Variants in NTN4 observed in about 807,000 individuals in gnomAD.
The protein encoded by NTN4 is netrin-4.
In NTN4, 32 loss-of-function variants were observed where a neutral mutation model predicts 73.6. The ratio of observed to expected loss-of-function variants is 0.44; its 90% CI spans 0.33 to 0.58. The LOEUF (loss-of-function observed/expected upper bound fraction) is 0.58. Among genes scored for constraint, NTN4 ranks in the 20% least tolerant of loss-of-function variants. NTN4 has a pLI of 0.04. For missense variants in NTN4, 654 were observed against 798.3 expected (o/e 0.82, Z 2.18); for synonymous variants, 258 against 287.5 (o/e 0.90, Z 1.04).
Position 95,703,749 on chromosome 12 carries a change from A to C in NTN4, c.1180+6692T>G, listed in dbSNP as rs76721344. ...ATTCAGATTTCCATTTTTTCTCAGTAAACCTCTACATAATTTATTCTAAAA... is the reference window on the plus strand; with the variant it reads ...ATTCAGATTTCCATTTTTTCTCAGTCAACCTCTACATAATTTATTCTAAAA... On this transcript the variant is annotated intron_variant, in intron 5 of 9. Coordinates refer to ENST00000343702, the MANE Select transcript of NTN4 (RefSeq NM_021229.4). Among the ~76,000 whole-genome samples the C allele has an allele frequency of 0.011, 1,672 of 152,300 alleles. 157 individuals are homozygous for C. The East Asian group carries it at 0.24, about 22-fold the overall frequency.
chr12:95,677,967 A>C (rs1000841084), intron 7 of NTN4, among the ~76,000 whole-genome samples: 5 of 152,256 alleles, frequency 3.3e-5, no homozygotes, highest in Admixed American at 2.6e-4. Flanking sequence ...CTGGATAAAG[A>C]AAATGTGACA....
rs532368733 is a variant in NTN4, at chr12:95,768,777, T to C, written c.585+18162A>G. 3.3e-5 allele frequency among the ~76,000 whole-genome samples: 5 copies of C among 151,784 alleles called. No individual in the cohort carries two copies. The South Asian group carries it at 6.3e-4, about 19-fold the overall frequency. ...ATGCCACAATTACGCAGAAGAAAAATAAGAGTGGTTTGCTCTAAGATAGTA... is the reference window on the plus strand; with the variant it reads ...ATGCCACAATTACGCAGAAGAAAAACAAGAGTGGTTTGCTCTAAGATAGTA... On this transcript the variant is annotated intron_variant, in intron 2 of 9. Coordinates refer to ENST00000343702, the MANE Select transcript of NTN4 (RefSeq NM_021229.4).
chr12:95,659,828 T>C (rs1565873956), intron 9 of NTN4, among the ~76,000 whole-genome samples: 1 of 152,150 alleles, frequency 6.6e-6, no homozygotes, highest in Admixed American at 6.5e-5. Context: ...TTTGTAAGTA[T>C]AGCAGCATCT....
chr12:95,687,384 AT>A (rs957571119), intron 5 of NTN4, among the ~76,000 whole-genome samples: 1 of 150,650 alleles, frequency 6.6e-6, no homozygotes, highest in African/African-American at 2.4e-5. Flanking sequence ...GTGAAAAAAA[AT>A]TTTTTTTTTT....
At chr12:95,713,371 C>A in intron 3 of NTN4, 33 bp from the exon 4 acceptor site, 1 of 1,531,138 alleles carries the variant, frequency 6.5e-7, no homozygotes, top group South Asian at 1.3e-5. Context: ...ACTATGAGCA[C>A]ACATGTCGCC....
chr12:95,670,024 C>T lies in NTN4; in HGVS notation c.1579+54G>A, dbSNP rs764830170. The T allele has an allele frequency of 5.4e-4, 588 of 1,080,738 alleles. 2 individuals carry two copies. The highest frequency in any genetic ancestry group is 2.6e-3 in the Admixed American group (115 of 43,546). The allele number at this position is 1,080,738 out of a possible 1,614,324, so 66.9% of individuals were successfully genotyped here. A position where few individuals can be genotyped will look rare whatever the true frequency, so the allele number is the denominator to read the frequency against. Reference sequence around the variant, plus strand: ...CAGGCCTCCCATTTTCTTAAAAATTCTCTGAACTTAGTGTGAATAGGTTCT... The same window carrying T: ...CAGGCCTCCCATTTTCTTAAAAATTTTCTGAACTTAGTGTGAATAGGTTCT... On this transcript the variant is annotated intron_variant, in intron 8 of 9. Coordinates refer to ENST00000343702, the MANE Select transcript of NTN4 (RefSeq NM_021229.4).
chr12:95,778,691 T>C (rs928563856), intron 2 of NTN4, among the ~76,000 whole-genome samples: 4 of 152,004 alleles, frequency 2.6e-5, no homozygotes, highest in African/African-American at 9.7e-5. Context: ...CCAAAAAAAG[T>C]CCAGGACCAG....
chr12:95,776,592 G>A (rs957588295), intron 2 of NTN4, among the ~76,000 whole-genome samples: 6 of 152,222 alleles, frequency 3.9e-5, no homozygotes, highest in Middle Eastern at 3.4e-3. Context: ...GAAATGAAGC[G>A]AGAAGAGAAG....
At chr12:95,679,617 C>G (rs1000463861) in intron 7 of NTN4, among the ~76,000 whole-genome samples, 2 of 152,204 alleles carry the variant, frequency 1.3e-5, no homozygotes, top group Non-Finnish European at 2.9e-5. Context: ...TTATTGCCCT[C>G]TCTTGCTTCA....
rs887043868 is a variant in NTN4 at position 95,789,413 on chromosome 12, G to A, written c.55+842C>T. 1.8e-4 allele frequency among the ~76,000 whole-genome samples: 27 copies of A among 152,314 alleles called. No homozygotes were observed. The highest frequency in any genetic ancestry group is 2.6e-4 in the Non-Finnish European group (18 of 68,024). On this transcript the variant is annotated intron_variant, in intron 1 of 9. Transcript: ENST00000343702. The surrounding 1 kb of genome is among the most constrained non-coding windows in gnomAD (Gnocchi z 4.0). Reference sequence around the variant, plus strand: ...CTCACATCTCTCCCCCTCACCTACAGGGCTGCGCTTACGCCTAACTGGAAA... The same window carrying A: ...CTCACATCTCTCCCCCTCACCTACAAGGCTGCGCTTACGCCTAACTGGAAA...
In NTN4 at chr12:95,790,311, G is replaced by T. The variant is rs2079199147; in HGVS notation, c.-2C>A. ...CAGCAGCCGCGCGCAGCTCCCCATG[G>T]CCGGGAGGAGCCGGGAGCAGCCGGG... On this transcript the variant is annotated 5_prime_UTR_variant, in exon 1 of 10. Coordinates refer to ENST00000343702, the MANE Select transcript of NTN4 (RefSeq NM_021229.4). The surrounding 1 kb of genome is among the most constrained non-coding windows in gnomAD (Gnocchi z 6.5). 6.6e-7 allele frequency: 1 copy of T among 1,526,534 alleles called. No homozygotes were observed. Among genetic ancestry groups the T allele is most frequent in the East Asian group, 2.6e-5 (1 of 37,908 alleles). The allele number at this position is 1,526,534 out of a possible 1,614,324, so 94.6% of individuals were successfully genotyped here.
Position 95,790,176 on chromosome 12 carries a change from C to T in NTN4, c.55+79G>A. 11 of 1,305,850 alleles carry T rather than the reference C, an allele frequency of 8.4e-6. No homozygotes were observed. The highest frequency in any genetic ancestry group is 1.0e-5 in the Non-Finnish European group (10 of 953,298). 80.9% of individuals were successfully genotyped at this position (1,305,850 alleles called of 1,614,324 possible). A position where few individuals can be genotyped will look rare whatever the true frequency, so the allele number is the denominator to read the frequency against. On this transcript the variant is annotated intron_variant, in intron 1 of 9. Coordinates refer to ENST00000343702, the MANE Select transcript of NTN4 (RefSeq NM_021229.4). This position sits in a 1 kb window ranked among gnomAD's most constrained non-coding sequence, Gnocchi z 6.5. Reference sequence around the variant, plus strand: ...GCGCTCTGCGCTCGCAGCCCTGGCTCCCCTGCACCCCCGAGTCCCGAGATG... The same window carrying T: ...GCGCTCTGCGCTCGCAGCCCTGGCTTCCCTGCACCCCCGAGTCCCGAGATG...
intron 5 of NTN4, among the ~76,000 whole-genome samples, chr12:95,683,941 A>G (rs2078340014): frequency 6.6e-6 from 1 of 152,168 alleles, no homozygotes; most frequent in Admixed American, 6.5e-5. Context: ...AATTTATCCT[A>G]ATATGGAAGG....
At chr12:95,696,995 G>A (rs1339227932) in intron 5 of NTN4, among the ~76,000 whole-genome samples, 1 of 151,684 alleles carries the variant, frequency 6.6e-6, no homozygotes, top group African/African-American at 2.4e-5. Flanking sequence ...CACAGCAAGA[G>A]CCCCTCTCTA....
chr12:95,742,178 C>T (rs2078831313), intron 2 of NTN4, among the ~76,000 whole-genome samples: 1 of 151,856 alleles, frequency 6.6e-6, no homozygotes, highest in South Asian at 2.1e-4. Flanking sequence ...TTCTAGAATA[C>T]TCATAAAAAA....
intron 3 of NTN4, among the ~76,000 whole-genome samples, chr12:95,720,942 T>C (rs1031483264): frequency 5.9e-5 from 9 of 152,178 alleles, no homozygotes; most frequent in Non-Finnish European, 1.3e-4. Context: ...GAAAACCCCA[T>C]ACAGTAGGTA....
intron 9 of NTN4, among the ~76,000 whole-genome samples, chr12:95,664,055 ATT>A (rs1050107567): frequency 1.3e-5 from 2 of 152,022 alleles, no homozygotes; most frequent in Non-Finnish European, 2.9e-5. Context: ...TTATTTATGT[ATT>A]TTTAATTTCT....
chr12:95,722,492 G>T (rs770513279), intron 3 of NTN4, among the ~76,000 whole-genome samples: 7 of 152,022 alleles, frequency 4.6e-5, no homozygotes, highest in Non-Finnish European at 1.0e-4. Context: ...CGGGTGTGCT[G>T]GTGAACACCT....
At chr12:95,750,366 C>G (rs1289934348) in intron 2 of NTN4, among the ~76,000 whole-genome samples, 1 of 152,054 alleles carries the variant, frequency 6.6e-6, no homozygotes, top group Non-Finnish European at 1.5e-5. Flanking sequence ...ACCCTCCATT[C>G]CTCCTTCTAC....
Sources: allele counts gnomAD v4.1 joint callset (sites outside exome capture counted in the v4.1 genomes callset), GRCh38; gene constraint gnomAD v4.1.1; non-coding constraint Gnocchi (gnomAD v3.1); transcripts MANE v1.5; gene names NCBI Gene and HGNC (gene_info 2026-07-23, HGNC 2026-07-21).